SSH2: variants seen among roughly 807,000 people sequenced by gnomAD.
SSH2 encodes slingshot protein phosphatase 2.
Under a neutral mutation model 135.2 loss-of-function variants are expected in SSH2, and 37 were observed. The observed-to-expected ratio is 0.27, with a 90% CI of 0.21 to 0.36. The LOEUF (loss-of-function observed/expected upper bound fraction) is 0.36. SSH2 is among the 10% of genes least tolerant of loss of function. SSH2 has a pLI of 1.00. For missense variants in SSH2, 1,408 were observed against 1,765.3 expected (o/e 0.80, Z 3.63); for synonymous variants, 628 against 646.2 (o/e 0.97, Z 0.43).
chr17:29,928,109 C>T (rs968731623), intron 1 of SSH2, among the ~76,000 whole-genome samples: 1 of 152,144 alleles, frequency 6.6e-6, no homozygotes, highest in Non-Finnish European at 1.5e-5. Context: ...ATAAATGTTA[C>T]TATAGTACTG....
intron 9 of SSH2, among the ~76,000 whole-genome samples, chr17:29,671,177 A>ATT (rs200460977): frequency 6.6e-6 from 1 of 152,074 alleles, no homozygotes; most frequent in African/African-American, 2.4e-5. Context: ...TTTAAAAAAA[A>ATT]TTTTTTAAGT....
At chr17:29,677,637 G>A (rs2037784583) in intron 7 of SSH2, 36 bp downstream of exon 7, 2 of 1,583,456 alleles carry the variant, frequency 1.3e-6, no homozygotes, top group African/African-American at 1.3e-5. Flanking sequence ...CCACCCCTTG[G>A]CTTTCTGTAA....
At chr17:29,636,865 AG>A in intron 14 of SSH2, 63 bp from the exon 15 acceptor site, 1 of 1,115,146 alleles carries the variant, frequency 9.0e-7, no homozygotes, top group Non-Finnish European at 1.3e-6. Context: ...ACACCCTCCC[AG>A]GAAAACACTC....
intron 1 of SSH2, among the ~76,000 whole-genome samples, chr17:29,894,971 C>G (rs1683649010): frequency 6.6e-6 from 1 of 150,882 alleles, no homozygotes; most frequent in Admixed American, 6.7e-5. Flanking sequence ...ACTGCTATCA[C>G]ATAAGGCTCT....
At chr17:29,633,271 G>A (rs991476740) in intron 15 of SSH2, among the ~76,000 whole-genome samples, 2 of 152,188 alleles carry the variant, frequency 1.3e-5, no homozygotes, top group Non-Finnish European at 2.9e-5. Flanking sequence ...CTAAGACTAT[G>A]AGCCTCCAGG....
chr17:29,754,154 T>C (rs140666894), intron 3 of SSH2, among the ~76,000 whole-genome samples: 106 of 152,320 alleles, frequency 7.0e-4, no homozygotes, highest in African/African-American at 2.5e-3. Flanking sequence ...GGTAGGGTCC[T>C]TAGGCCATCA....
chr17:29,785,971 GT>G (rs1342595099), intron 3 of SSH2, among the ~76,000 whole-genome samples: 7 of 151,666 alleles, frequency 4.6e-5, no homozygotes, highest in African/African-American at 1.5e-4. Context: ...CGCCCGGCTA[GT>G]TTTTTGTATT....
At chr17:29,903,857 T>C (rs1038337314) in intron 1 of SSH2, among the ~76,000 whole-genome samples, 2 of 152,196 alleles carry the variant, frequency 1.3e-5, no homozygotes, top group African/African-American at 4.8e-5. Flanking sequence ...TTGAAGGCGA[T>C]GCCAGAAAAA....
chr17:29,801,759 A>G (rs1005314873), intron 2 of SSH2, among the ~76,000 whole-genome samples: 3 of 152,224 alleles, frequency 2.0e-5, no homozygotes, highest in Admixed American at 6.5e-5. Flanking sequence ...ACAATGCCCT[A>G]TGTGCAGATG....
intron 11 of SSH2, among the ~76,000 whole-genome samples, chr17:29,657,061 G>T (rs1395314275): frequency 1.3e-5 from 2 of 152,224 alleles, no homozygotes; most frequent in East Asian, 3.9e-4. Flanking sequence ...CCACTGCCAG[G>T]GTTCAAGTGA....
At chr17:29,914,536 G>A (rs2066845822) in intron 1 of SSH2, among the ~76,000 whole-genome samples, 2 of 149,256 alleles carry the variant, frequency 1.3e-5, no homozygotes. Flanking sequence ...TCCAGCCTGG[G>A]TGACAGAGAG....
intron 3 of SSH2, among the ~76,000 whole-genome samples, chr17:29,719,273 C>A (rs913231398): frequency 3.3e-5 from 5 of 152,270 alleles, no homozygotes; most frequent in African/African-American, 7.2e-5. Context: ...ATGGCACGTC[C>A]ATCAATGTTC....
chr17:29,660,110 GAGCC>G (rs113621388), intron 11 of SSH2, among the ~76,000 whole-genome samples: 2,211 of 152,260 alleles, frequency 0.015, 57 homozygotes, highest in African/African-American at 0.049. Context: ...TTACAGGCGT[GAGCC>G]ACCACGCCTG....
intron 3 of SSH2, among the ~76,000 whole-genome samples, chr17:29,789,523 C>A (rs1178938388): frequency 6.6e-6 from 1 of 152,168 alleles, no homozygotes; most frequent in Non-Finnish European, 1.5e-5. Flanking sequence ...AAGGATCCCC[C>A]CAAAGGCAAT....
chr17:29,702,750 A>C (rs1437737860), intron 4 of SSH2, among the ~76,000 whole-genome samples: 6 of 152,230 alleles, frequency 3.9e-5, no homozygotes, highest in African/African-American at 4.8e-5. Context: ...TTCCAACAAA[A>C]ATGTATTGAA....
At chr17:29,840,529 C>T (rs894137289) in intron 2 of SSH2, among the ~76,000 whole-genome samples, 39 of 152,180 alleles carry the variant, frequency 2.6e-4, no homozygotes, top group African/African-American at 9.2e-4. Context: ...ATTTCATGTA[C>T]TTAAATAATA....
chr17:29,731,575 C>T (rs1239392523), intron 3 of SSH2, among the ~76,000 whole-genome samples: 1 of 152,024 alleles, frequency 6.6e-6, no homozygotes, highest in Non-Finnish European at 1.5e-5. Flanking sequence ...CGTGCCTCAG[C>T]CTCCTGAGTA....
In SSH2 at chr17:29,671,978, C is replaced by T. The variant is rs2037514394; in HGVS notation, c.766G>A (p.Val256Ile). The T allele has an allele frequency of 1.9e-6, 3 of 1,614,120 alleles. No homozygotes were observed. Among genetic ancestry groups the T allele is most frequent in the Non-Finnish European group, 2.5e-6 (3 of 1,179,998 alleles). The change falls in exon 9 of 16, where the codon GTA becomes ATA. Residue 256 changes from valine (V) to isoleucine (I), a missense_variant. By Grantham distance (29) the Val-to-Ile change is conservative. This residue lies in a region of SSH2 where 222 missense variants were observed against 355.6 expected (regional missense o/e 0.62). Coordinates refer to ENST00000540801, the MANE Select transcript of SSH2 (RefSeq NM_001282129.2). ...SVNEWNAMQD[V>I]QSHRPDSPAL... is the part of the protein sequence containing the mutation. ...GGAGAGTCGGGCCGGTGGGACTGTACATCTTGCATTGCATTCCATTCATTG... is the reference window on the plus strand; with the variant it reads ...GGAGAGTCGGGCCGGTGGGACTGTATATCTTGCATTGCATTCCATTCATTG...
rs367581050 is a variant in SSH2, at chr17:29,695,522, G to A, written c.294C>T (p.Gly98=). The A allele has an allele frequency of 1.4e-5, 22 of 1,607,944 alleles. No homozygotes were observed. Among genetic ancestry groups the A allele is most frequent in the African/African-American group, 2.7e-5 (2 of 74,562 alleles). ...TTGCTTGGAGATGCTGTTGGAGATCGCCTGGTGAAATTTACAAACCAAAGG... is the reference window on the plus strand; with the variant it reads ...TTGCTTGGAGATGCTGTTGGAGATCACCTGGTGAAATTTACAAACCAAAGG... The part of the protein sequence containing the change: ...RISHRRNKHA[G]DLQQHLQAMF... The change falls in exon 5 of 16, where the codon GGC becomes GGT. Residue 98 remains glycine (G), a splice_region_variant and synonymous_variant. Coordinates refer to ENST00000540801, the MANE Select transcript of SSH2 (RefSeq NM_001282129.2).
Sources: gnomAD v4.1 joint callset for allele counts (sites outside exome capture counted in the v4.1 genomes callset) on GRCh38, gnomAD v4.1.1 for gene constraint, gnomAD v4.1.1 regional missense constraint, MANE v1.5 for transcripts, NCBI Gene and HGNC (gene_info 2026-07-23, HGNC 2026-07-21) for gene names.